Variants in SAR1B observed in about 807,000 individuals in gnomAD.
SAR1B encodes small COPII coat GTPase SAR1B.
A neutral mutation model predicts 26.8 loss-of-function variants in SAR1B; 23 were observed. That is an observed-to-expected ratio of 0.86 (90% CI 0.62 to 1.22). The LOEUF is 1.22. SAR1B is among the 50% of genes most tolerant of loss of function. The pLI is 0.00. For missense variants in SAR1B, 196 were observed against 232.8 expected (o/e 0.84, Z 1.03); for synonymous variants, 65 against 80.8 (o/e 0.80, Z 1.05).
chr5:134,622,540 A>G (rs1765427543), intron 2 of SAR1B, among the ~76,000 whole-genome samples: 2 of 150,732 alleles, frequency 1.3e-5, no homozygotes, highest in Non-Finnish European at 2.9e-5. Context: ...CCTCCCAAGT[A>G]GCTGGGACTA....
chr5:134,625,605 G>A (rs896406145), intron 1 of SAR1B, among the ~76,000 whole-genome samples: 3 of 152,192 alleles, frequency 2.0e-5, no homozygotes, highest in Non-Finnish European at 2.9e-5. Flanking sequence ...AATTGTGCCA[G>A]CAAAGTGGAA....
intron 1 of SAR1B, among the ~76,000 whole-genome samples, chr5:134,626,617 T>C (rs1580656767): frequency 1.3e-5 from 2 of 152,156 alleles, no homozygotes; most frequent in South Asian, 4.1e-4. Flanking sequence ...AGAAAAGTGA[T>C]CTACTCAAGT....
At chr5:134,610,883 CTTTTT>C (rs774142378) in intron 4 of SAR1B, among the ~76,000 whole-genome samples, 1 of 141,546 alleles carries the variant, frequency 7.1e-6, no homozygotes, top group Non-Finnish European at 1.6e-5. Context: ...TATGACATAC[CTTTTT>C]TTTTTTTTTT....
intron 3 of SAR1B, among the ~76,000 whole-genome samples, chr5:134,616,710 C>A (rs1480680633): frequency 6.6e-6 from 1 of 152,176 alleles, no homozygotes; most frequent in Non-Finnish European, 1.5e-5. Context: ...CGGAAGCAAC[C>A]ACTGATCTGA....
chr5:134,608,590 C>T, intron 5 of SAR1B, 87 bp from the exon 6 acceptor site: 1 of 1,363,452 alleles, frequency 7.3e-7, no homozygotes, highest in Non-Finnish European at 1.0e-6. Flanking sequence ...ATAAAGGACT[C>T]ATTTTCTACC....
intron 6 of SAR1B, among the ~76,000 whole-genome samples, chr5:134,607,697 G>A (rs1765150067): frequency 6.6e-6 from 1 of 151,718 alleles, no homozygotes. Context: ...GCTTGAACCT[G>A]GGAGGCAGAG....
intron 1 of SAR1B, among the ~76,000 whole-genome samples, chr5:134,630,563 A>C (rs922978092): frequency 1.3e-4 from 20 of 151,364 alleles, no homozygotes; most frequent in Non-Finnish European, 2.5e-4. Flanking sequence ...CGGACAGATC[A>C]CTTGAGTTCG....
At chr5:134,619,976 G>C (rs1242341766) in intron 3 of SAR1B, among the ~76,000 whole-genome samples, 1 of 151,854 alleles carries the variant, frequency 6.6e-6, no homozygotes, top group Non-Finnish European at 1.5e-5. Flanking sequence ...GCAAGACCCT[G>C]TCTCTACACA....
chr5:134,623,953 C>T lies in SAR1B; in HGVS notation c.58+9G>A. On this transcript the variant is annotated intron_variant, in intron 2 of 6. Coordinates refer to ENST00000402673, the MANE Select transcript of SAR1B (RefSeq NM_016103.4). ...GGGATAACTGTAGAGAACAAAGGAC[C>T]AACATTACCTAAAAACTGTAGCACA... 1 of 1,588,620 alleles carries T rather than the reference C, an allele frequency of 6.3e-7. No individual in the cohort carries two copies. Among genetic ancestry groups the T allele is most frequent in the Non-Finnish European group, 8.6e-7 (1 of 1,157,172 alleles).
rs2150047045 is a variant in SAR1B at position 134,601,186 on chromosome 5, C to G, written c.*5764G>C. The G allele has an allele frequency of 6.6e-6, 1 of 152,198 alleles. No homozygotes were observed. The highest frequency in any genetic ancestry group is 2.4e-5 in the African/African-American group (1 of 41,528). The allele number at this position is 152,198 out of a possible 1,614,324, so 9.4% of individuals were successfully genotyped here. Reference sequence around the variant, plus strand: ...AGATTAGTATTTTATTTTTCCCTTCCTAACACTCAAATTCATGGCAGGTGA... The same window carrying G: ...AGATTAGTATTTTATTTTTCCCTTCGTAACACTCAAATTCATGGCAGGTGA... On this transcript the variant is annotated 3_prime_UTR_variant, in exon 7 of 7. Coordinates refer to ENST00000402673, the MANE Select transcript of SAR1B (RefSeq NM_016103.4).
chr5:134,618,610 A>T (rs1461921946), intron 3 of SAR1B, among the ~76,000 whole-genome samples: 2 of 152,360 alleles, frequency 1.3e-5, no homozygotes, highest in African/African-American at 4.8e-5. Flanking sequence ...AGGTTAAATT[A>T]GGTTTCTGTT....
chr5:134,601,419 G>A lies in SAR1B; in HGVS notation c.*5531C>T, dbSNP rs1282755202. The A allele has an allele frequency of 6.6e-6, 1 of 152,078 alleles. No individual in the cohort carries two copies. The highest frequency in any genetic ancestry group is 1.5e-5 in the Non-Finnish European group (1 of 68,002). The allele number at this position is 152,078 out of a possible 1,614,324, so 9.4% of individuals were successfully genotyped here. On this transcript the variant is annotated 3_prime_UTR_variant, in exon 7 of 7. Transcript: ENST00000402673. Reference sequence around the variant, plus strand: ...CAGTGGTGTACAAAAGTGCAAACAAGGTTAGTGATTAACAACTTACCATCA... The same window carrying A: ...CAGTGGTGTACAAAAGTGCAAACAAAGTTAGTGATTAACAACTTACCATCA...
In SAR1B at chr5:134,604,611, A is replaced by T. The variant is rs1580643794; in HGVS notation, c.*2339T>A. On this transcript the variant is annotated 3_prime_UTR_variant, in exon 7 of 7. Transcript: ENST00000402673. The stretch of plus-strand genomic sequence containing the variant: ...TAGAGGCTCGGGCCATAAAAATCTT[A>T]TGTCTTTGGGAAAATATCCACAGTT... The T allele has an allele frequency of 3.3e-5, 5 of 152,272 alleles. 1 individual carries two copies. In the South Asian group the frequency reaches 1.0e-3, roughly 32 times the overall value. 9.4% of individuals were successfully genotyped at this position (152,272 alleles called of 1,614,324 possible). A position where few individuals can be genotyped will look rare whatever the true frequency, so the allele number is the denominator to read the frequency against.
In SAR1B at chr5:134,623,968, A is replaced by G. The variant is rs1765454637; in HGVS notation, c.52T>C (p.Phe18Leu). The part of the protein sequence containing the change: ...IYSGFSSVLQ[F>L]LGLYKKTGKL... Reference sequence around the variant, plus strand: ...AACAAAGGACCAACATTACCTAAAAACTGTAGCACACTGCTGAAACCACTG... The same window carrying G: ...AACAAAGGACCAACATTACCTAAAAGCTGTAGCACACTGCTGAAACCACTG... The change falls in exon 2 of 7, where the codon TTT (phenylalanine) becomes CTT (leucine). Residue 18 changes from phenylalanine to leucine, a missense_variant. Physicochemically the swap from Phe to Leu is conservative, Grantham distance 22. Transcript: ENST00000402673. The G allele has an allele frequency of 8.1e-6, 13 of 1,605,978 alleles. No homozygotes were observed. The highest frequency in any genetic ancestry group is 1.0e-5 in the Non-Finnish European group (12 of 1,172,656).
chr5:134,607,268 C>T (rs976838780), intron 6 of SAR1B, among the ~76,000 whole-genome samples: 10 of 152,110 alleles, frequency 6.6e-5, no homozygotes, highest in African/African-American at 2.4e-4. Context: ...GGCAGGATGG[C>T]CACTCAGTGG....
chr5:134,612,678 A>AAT lies in SAR1B; in HGVS notation c.244+12_244+13insAT. ...AAAAAAAAAAAAAAAAAAAAAAAAA[A>AAT]AAAGAATCTTACCTTGAACATGTCC... On this transcript the variant is annotated intron_variant, in intron 4 of 6. Coordinates refer to ENST00000402673, the MANE Select transcript of SAR1B (RefSeq NM_016103.4). 2 of 1,000,228 alleles carry AAT rather than the reference A, an allele frequency of 2.0e-6. No homozygotes were observed. The highest frequency in any genetic ancestry group is 2.8e-6 in the Non-Finnish European group (2 of 716,890). The allele number at this position is 1,000,228 out of a possible 1,614,324, so 62.0% of individuals were successfully genotyped here. A position where few individuals can be genotyped will look rare whatever the true frequency, so the allele number is the denominator to read the frequency against.
At chr5:134,608,624 T>C in intron 5 of SAR1B, 121 bp from the exon 6 acceptor site, 1 of 1,095,712 alleles carries the variant, frequency 9.1e-7, no homozygotes, top group Non-Finnish European at 1.3e-6. Flanking sequence ...CCAACGTTCT[T>C]TGTCAAACTT....
Position 134,605,957 on chromosome 5 carries a change from A to G in SAR1B, c.*993T>C, listed in dbSNP as rs778871164. Reference sequence around the variant, plus strand: ...CCAGAGAGTACTGTTAAATGTACAGAGACTGGGAATATATCTAAATGTGGA... The same window carrying G: ...CCAGAGAGTACTGTTAAATGTACAGGGACTGGGAATATATCTAAATGTGGA... On this transcript the variant is annotated 3_prime_UTR_variant, in exon 7 of 7. Transcript: ENST00000402673. 10 of 152,210 alleles carry G rather than the reference A, an allele frequency of 6.6e-5. No homozygotes were observed. Among genetic ancestry groups the G allele is most frequent in the Non-Finnish European group, 1.3e-4 (9 of 68,046 alleles). The allele number at this position is 152,210 out of a possible 1,614,324, so 9.4% of individuals were successfully genotyped here.
intron 1 of SAR1B, among the ~76,000 whole-genome samples, chr5:134,630,778 CAAAAAAAAA>C (rs772159748): frequency 1.7e-5 from 1 of 59,264 alleles, no homozygotes; most frequent in South Asian, 5.5e-4. Context: ...GACTCCGTCT[CAAAAAAAAA>C]AAAAAAGAAA....
Sources: gnomAD v4.1 joint callset for allele counts (sites outside exome capture counted in the v4.1 genomes callset) on GRCh38, gnomAD v4.1.1 for gene constraint, MANE v1.5 for transcripts, NCBI Gene and HGNC (gene_info 2026-07-23, HGNC 2026-07-21) for gene names.